The following APBA1 variants were observed in gnomAD, a reference collection of about 807,000 sequenced individuals.
APBA1 encodes the protein amyloid beta precursor protein binding family A member 1.
APBA1 carries 55 observed loss-of-function variants against 86.6 expected under a neutral mutation model. The observed-to-expected ratio is 0.64, with a 90% confidence interval of 0.51 to 0.80. The LOEUF (loss-of-function observed/expected upper bound fraction) is 0.80, where lower values mean the gene tolerates loss of function less well. Ranked by LOEUF, APBA1 falls within the 30% of genes least tolerant of loss-of-function variation. APBA1 has a pLI of 0.00. For synonymous variants in APBA1, 511 were observed against 493.9 expected (o/e 1.03, Z -0.46); for missense variants, 1,090 against 1,183.0 (o/e 0.92, Z 1.15).
Position 69,439,578 on chromosome 9 carries a change from C to T in APBA1, c.2301+1418G>A, listed in dbSNP as rs527283333. ...TACCCTTTCTTCCAGTTGATCACAT[C>T]GGTTACTGAGGCTTGTGCATTTGTC... On this transcript the variant is annotated intron_variant, in intron 11 of 12. Coordinates refer to ENST00000265381, the MANE Select transcript of APBA1 (RefSeq NM_001163.4). Among the ~76,000 whole-genome samples, 290 of 152,314 alleles carry T rather than the reference C, an allele frequency of 1.9e-3. 1 individual carries two copies. The highest frequency in any genetic ancestry group is 3.1e-3 in the Non-Finnish European group (213 of 68,038).
chr9:69,445,882 T>C (rs973710812), intron 10 of APBA1, among the ~76,000 whole-genome samples: 2 of 151,894 alleles, frequency 1.3e-5, no homozygotes, highest in Non-Finnish European at 2.9e-5. Flanking sequence ...GGTGATGCCA[T>C]CCCCGCCGCA....
intron 1 of APBA1, among the ~76,000 whole-genome samples, chr9:69,518,921 G>A (rs1408376808): frequency 6.6e-6 from 1 of 152,118 alleles, no homozygotes; most frequent in East Asian, 1.9e-4. Context: ...TCAAGCAGAA[G>A]TATCATGTCT....
chr9:69,454,212 A>G (rs1835057910), intron 8 of APBA1, among the ~76,000 whole-genome samples: 1 of 152,282 alleles, frequency 6.6e-6, no homozygotes, highest in Non-Finnish European at 1.5e-5. Flanking sequence ...TCTCACTGTT[A>G]GAATCTGATG....
intron 1 of APBA1, among the ~76,000 whole-genome samples, chr9:69,576,770 T>A (rs765790684): frequency 6.6e-6 from 1 of 152,142 alleles, no homozygotes; most frequent in Non-Finnish European, 1.5e-5. Context: ...GATAAGTTAA[T>A]GGGTGCAGCA....
At chr9:69,446,858 A>C (rs1464861323) in intron 10 of APBA1, among the ~76,000 whole-genome samples, 2 of 152,138 alleles carry the variant, frequency 1.3e-5, no homozygotes, top group East Asian at 3.9e-4. Flanking sequence ...GGGCCTCAGG[A>C]AGCGCGGCTT....
intron 1 of APBA1, among the ~76,000 whole-genome samples, chr9:69,575,091 A>AT (rs956865200): frequency 6.6e-6 from 1 of 151,506 alleles, no homozygotes; most frequent in African/African-American, 2.4e-5. Context: ...TAATTTTTGT[A>AT]TTTTTTTGTA....
Position 69,506,102 on chromosome 9 carries a change from C to T in APBA1, c.1200+9909G>A, listed in dbSNP as rs535448180. On this transcript the variant is annotated intron_variant, in intron 2 of 12. Transcript: ENST00000265381. ...AGGAACAGCTCCGGTCTACAGCTCC[C>T]AGCGAGAGCGACACAGAAGAAGACG... 2.1e-4 allele frequency among the ~76,000 whole-genome samples: 32 copies of T among 152,054 alleles called. 1 individual carries two copies. Among genetic ancestry groups the T allele is most frequent in the Admixed American group, 4.6e-4 (7 of 15,290 alleles).
intron 11 of APBA1, among the ~76,000 whole-genome samples, chr9:69,434,132 G>A (rs1834653831): frequency 6.6e-6 from 1 of 152,212 alleles, no homozygotes; most frequent in African/African-American, 2.4e-5. Flanking sequence ...GTGACTGTGG[G>A]AACTGAGCCG....
At chr9:69,663,428 G>A (rs993754309) in intron 1 of APBA1, among the ~76,000 whole-genome samples, 1 of 152,182 alleles carries the variant, frequency 6.6e-6, no homozygotes, top group Non-Finnish European at 1.5e-5. Context: ...CCAATGTAGG[G>A]GGTAATTATT....
intron 11 of APBA1, among the ~76,000 whole-genome samples, chr9:69,439,625 C>A (rs1017501219): frequency 1.3e-5 from 2 of 151,980 alleles, no homozygotes; most frequent in South Asian, 4.1e-4. Flanking sequence ...GTGTGGTTTT[C>A]AGCTCCATCA....
chr9:69,552,467 C>G (rs143482790), intron 1 of APBA1, among the ~76,000 whole-genome samples: 1,817 of 152,290 alleles, frequency 0.012, 22 homozygotes, highest in Middle Eastern at 0.024. Flanking sequence ...CTTATTCCCC[C>G]ACTACCCCCA....
intron 9 of APBA1, among the ~76,000 whole-genome samples, chr9:69,450,449 G>A (rs1834987747): frequency 6.6e-6 from 1 of 152,084 alleles, no homozygotes; most frequent in Non-Finnish European, 1.5e-5. Flanking sequence ...CTGCAGATAT[G>A]CCACTAAAAG....
intron 11 of APBA1, 81 bp from the exon 12 acceptor site, chr9:69,432,757 G>A (rs1834627322): frequency 5.4e-6 from 7 of 1,304,696 alleles, no homozygotes; most frequent in Middle Eastern, 2.0e-4. Flanking sequence ...AAAGCCCCCT[G>A]CCCCTACACT....
intron 1 of APBA1, among the ~76,000 whole-genome samples, chr9:69,640,687 C>A (rs1011193824): frequency 1.3e-5 from 2 of 152,006 alleles, no homozygotes; most frequent in African/African-American, 4.8e-5. Flanking sequence ...TAAACATATA[C>A]ACTCACCATC....
intron 1 of APBA1, among the ~76,000 whole-genome samples, chr9:69,664,644 A>G (rs1028052496): frequency 6.6e-6 from 1 of 152,252 alleles, no homozygotes; most frequent in African/African-American, 2.4e-5. Context: ...AAAGTAAACT[A>G]ATAAATTAAA....
chr9:69,491,672 C>T (rs1157199475), intron 2 of APBA1, among the ~76,000 whole-genome samples: 2 of 151,696 alleles, frequency 1.3e-5, no homozygotes, highest in African/African-American at 2.4e-5. Context: ...CCACCATTAT[C>T]TGCTTTCCTA....
intron 1 of APBA1, among the ~76,000 whole-genome samples, chr9:69,666,975 G>T (rs914436354): frequency 2.0e-5 from 3 of 152,078 alleles, no homozygotes; most frequent in African/African-American, 7.2e-5. Context: ...GTATGGTATT[G>T]GGCGAGGTGC....
rs539618745 is a variant in APBA1 at position 69,533,545 on chromosome 9, C to T, written c.-69-16266G>A. ...TCTGTTCAGCTGCTGAAGGAATTTTCTCACCACATTTCAGGTTTCTTGCTG... is the reference window on the plus strand; with the variant it reads ...TCTGTTCAGCTGCTGAAGGAATTTTTTCACCACATTTCAGGTTTCTTGCTG... On this transcript the variant is annotated intron_variant, in intron 1 of 12. Coordinates refer to ENST00000265381, the MANE Select transcript of APBA1 (RefSeq NM_001163.4). Among the ~76,000 whole-genome samples the T allele has an allele frequency of 1.2e-4, 19 of 152,274 alleles. 1 individual carries two copies. The highest frequency in any genetic ancestry group is 3.6e-4 in the African/African-American group (15 of 41,568).
At chr9:69,481,446 A>G (rs1835506806) in intron 2 of APBA1, among the ~76,000 whole-genome samples, 1 of 152,036 alleles carries the variant, frequency 6.6e-6, no homozygotes, top group African/African-American at 2.4e-5. Flanking sequence ...GAGAACTACA[A>G]ACCACTGCTC....
Sources: allele counts gnomAD v4.1 joint callset (sites outside exome capture counted in the v4.1 genomes callset), GRCh38; gene constraint gnomAD v4.1.1; transcripts MANE v1.5; gene names NCBI Gene and HGNC (gene_info 2026-07-23, HGNC 2026-07-21).